Variants in ZNF804B observed in about 807,000 individuals in gnomAD.
The protein encoded by ZNF804B is zinc finger 804B.
ZNF804B carries 80 observed loss-of-function variants against 101.4 expected under a neutral mutation model. The ratio of observed to expected loss-of-function variants is 0.79; its 90% CI spans 0.66 to 0.95. The LOEUF is 0.95. ZNF804B is among the 40% of genes least tolerant of loss of function. The pLI is 0.00. For synonymous variants in ZNF804B, 622 were observed against 558.8 expected (o/e 1.11, Z -1.59); for missense variants, 1,673 against 1,561.9 (o/e 1.07, Z -1.20).
Position 89,233,125 on chromosome 7 carries a change from C to T in ZNF804B, c.249+14830C>T, listed in dbSNP as rs374000832. Among the ~76,000 whole-genome samples, 9 of 152,022 alleles carry T rather than the reference C, an allele frequency of 5.9e-5. No homozygotes were observed. The South Asian group carries it at 1.2e-3, about 21-fold the overall frequency. On this transcript the variant is annotated intron_variant, in intron 2 of 3. Transcript: ENST00000333190. ...GTATTTTTAGTAGAGACGGGGTTTCCCCGTGTTAGCCAGGATGGTCTCCAT... is the reference window on the plus strand; with the variant it reads ...GTATTTTTAGTAGAGACGGGGTTTCTCCGTGTTAGCCAGGATGGTCTCCAT...
At chr7:89,108,970 A>G (rs567600172) in intron 1 of ZNF804B, among the ~76,000 whole-genome samples, 1 of 152,306 alleles carries the variant, frequency 6.6e-6, no homozygotes, top group African/African-American at 2.4e-5. Context: ...TCAGGCTTTC[A>G]TGCAGAGCTG....
At chr7:88,796,903 C>G (rs963782149) in intron 1 of ZNF804B, among the ~76,000 whole-genome samples, 6 of 152,018 alleles carry the variant, frequency 3.9e-5, no homozygotes, top group African/African-American at 1.2e-4. Context: ...GTAGACACAA[C>G]TAGTTAATTG....
chr7:89,137,302 A>G (rs1399099674), intron 1 of ZNF804B, among the ~76,000 whole-genome samples: 1 of 151,848 alleles, frequency 6.6e-6, no homozygotes, highest in African/African-American at 2.4e-5. Context: ...TTTTCAATAT[A>G]TTTTTGTTAT....
At chr7:89,196,892 A>G (rs1271634836) in intron 1 of ZNF804B, among the ~76,000 whole-genome samples, 1 of 152,038 alleles carries the variant, frequency 6.6e-6, no homozygotes, top group African/African-American at 2.4e-5. Flanking sequence ...GATCATTATA[A>G]AAATGCAGAT....
intron 2 of ZNF804B, among the ~76,000 whole-genome samples, chr7:89,278,251 C>T (rs1455565265): frequency 6.6e-6 from 1 of 151,794 alleles, no homozygotes; most frequent in Non-Finnish European, 1.5e-5. Context: ...TGGATATTAA[C>T]CCTTTGTCAG....
At position 89,007,878 on chromosome 7, in the gene ZNF804B, A is replaced by AAT. The variant is rs199911336; in HGVS notation, c.109-210272_109-210271dup. On this transcript the variant is annotated intron_variant, in intron 1 of 3. Coordinates refer to ENST00000333190, the MANE Select transcript of ZNF804B (RefSeq NM_181646.5). ...TCCATTAAGTGGAAATAAGTTTGTT[A>AAT]ATATATGCAAAATTAGTTAATAACC... Among the ~76,000 whole-genome samples the AAT allele has an allele frequency of 7.8e-3, 1,179 of 151,888 alleles. 19 individuals carry two copies. The highest frequency in any genetic ancestry group is 0.027 in the African/African-American group (1,124 of 41,476).
At chr7:88,761,352 A>G (rs1323363336) in intron 1 of ZNF804B, among the ~76,000 whole-genome samples, 3 of 152,288 alleles carry the variant, frequency 2.0e-5, no homozygotes, top group African/African-American at 7.2e-5. Context: ...GATGGAAAAT[A>G]CTGTTTGTAT....
chr7:88,964,296 A>T (rs1479213488), intron 1 of ZNF804B, among the ~76,000 whole-genome samples: 2 of 151,546 alleles, frequency 1.3e-5, no homozygotes, highest in Admixed American at 6.6e-5. Flanking sequence ...CTATCAACAG[A>T]TGAGTGAATA....
chr7:89,223,645 T>C (rs548763408), intron 2 of ZNF804B, among the ~76,000 whole-genome samples: 2 of 111,634 alleles, frequency 1.8e-5, no homozygotes, highest in Non-Finnish European at 3.9e-5. Flanking sequence ...TTTTGCCTCA[T>C]GGCACTCCAC....
chr7:89,074,846 A>C (rs1258625844), intron 1 of ZNF804B, among the ~76,000 whole-genome samples: 1 of 152,182 alleles, frequency 6.6e-6, no homozygotes, highest in Non-Finnish European at 1.5e-5. Context: ...TGATATGAAC[A>C]ATAACTTCCA....
intron 1 of ZNF804B, among the ~76,000 whole-genome samples, chr7:88,898,228 A>C (rs1264116713): frequency 2.0e-5 from 3 of 151,586 alleles, no homozygotes; most frequent in African/African-American, 7.3e-5. Flanking sequence ...CTGGAACTAC[A>C]GGCGCCCGCC....
At chr7:88,880,502 A>G (rs897042693) in intron 1 of ZNF804B, among the ~76,000 whole-genome samples, 2 of 152,200 alleles carry the variant, frequency 1.3e-5, no homozygotes, top group African/African-American at 4.8e-5. Context: ...ATACATAACA[A>G]TGTCTTGTAA....
chr7:89,110,381 T>C (rs926872696), intron 1 of ZNF804B, among the ~76,000 whole-genome samples: 2 of 152,118 alleles, frequency 1.3e-5, no homozygotes, highest in Non-Finnish European at 2.9e-5. Context: ...GGAAGCAATG[T>C]GGTAGATGGG....
chr7:89,202,939 T>C (rs1788666319), intron 1 of ZNF804B, among the ~76,000 whole-genome samples: 1 of 152,116 alleles, frequency 6.6e-6, no homozygotes, highest in Non-Finnish European at 1.5e-5. Flanking sequence ...ATAGACGTAT[T>C]GTAGCTAGAC....
intron 1 of ZNF804B, among the ~76,000 whole-genome samples, chr7:89,153,808 A>G (rs10486902): frequency 0.037 from 5,658 of 152,160 alleles, 328 homozygotes; most frequent in African/African-American, 0.13. Context: ...AAGTATATAC[A>G]CCTTTCAGCT....
intron 1 of ZNF804B, among the ~76,000 whole-genome samples, chr7:89,118,364 G>T (rs1290755875): frequency 1.3e-5 from 2 of 152,082 alleles, no homozygotes; most frequent in Non-Finnish European, 2.9e-5. Flanking sequence ...CAATTAGTGA[G>T]ATAATCTCCA....
intron 1 of ZNF804B, among the ~76,000 whole-genome samples, chr7:88,874,514 A>C (rs1056780389): frequency 1.3e-5 from 2 of 152,052 alleles, no homozygotes; most frequent in African/African-American, 4.8e-5. Context: ...TATGTTGAAT[A>C]GGAGTGGTGA....
chr7:89,133,659 C>T (rs1790585308), intron 1 of ZNF804B, among the ~76,000 whole-genome samples: 3 of 152,028 alleles, frequency 2.0e-5, no homozygotes, highest in Admixed American at 2.0e-4. Flanking sequence ...GTGATTGCTC[C>T]TAATACAGTT....
At chr7:89,206,951 C>T (rs1187968921) in intron 1 of ZNF804B, among the ~76,000 whole-genome samples, 2 of 152,198 alleles carry the variant, frequency 1.3e-5, no homozygotes, top group Non-Finnish European at 2.9e-5. Flanking sequence ...TAACAAGAGT[C>T]ACCATTGCTC....
Sources: allele counts gnomAD v4.1 joint callset (sites outside exome capture counted in the v4.1 genomes callset), GRCh38; gene constraint gnomAD v4.1.1; transcripts MANE v1.5; gene names NCBI Gene and HGNC (gene_info 2026-07-23, HGNC 2026-07-21).